The following XRCC4 variants were observed in gnomAD, a reference collection of about 807,000 sequenced individuals.
XRCC4 encodes the protein X-ray repair cross complementing 4.
XRCC4 carries 28 observed loss-of-function variants against 39.1 expected under a neutral mutation model. The observed-to-expected ratio is 0.72, with a 90% CI of 0.53 to 0.98. The LOEUF is 0.98. Among genes scored for constraint, XRCC4 ranks in the 50% least tolerant of loss-of-function variants. XRCC4 has a pLI of 0.00. For missense variants in XRCC4, 350 were observed against 376.4 expected, an observed-to-expected ratio of 0.93 and a Z score of 0.58; for synonymous variants, 123 against 126.4, an observed-to-expected ratio of 0.97 and a Z score of 0.18.
intron 1 of XRCC4, among the ~76,000 whole-genome samples, chr5:83,084,225 C>G (rs1366863824): frequency 6.6e-6 from 1 of 152,126 alleles, no homozygotes; most frequent in African/African-American, 2.4e-5. Flanking sequence ...AGATGGCTGT[C>G]TTTAAAATAA....
chr5:83,178,099 AG>A (rs1750042044), intron 3 of XRCC4, among the ~76,000 whole-genome samples: 1 of 152,126 alleles, frequency 6.6e-6, no homozygotes, highest in Non-Finnish European at 1.5e-5. Context: ...AAGAAGGAAA[AG>A]CAAAATCAAG....
At chr5:83,138,177 C>T (rs958004040) in intron 3 of XRCC4, among the ~76,000 whole-genome samples, 2 of 152,106 alleles carry the variant, frequency 1.3e-5, no homozygotes, top group Admixed American at 6.6e-5. Flanking sequence ...CAAACATATG[C>T]TTCTGATGTT....
chr5:83,263,534 A>G (rs58936311), intron 7 of XRCC4, among the ~76,000 whole-genome samples: 2,399 of 151,146 alleles, frequency 0.016, 61 homozygotes, highest in African/African-American at 0.054. Flanking sequence ...AATGATTGCC[A>G]TTCTAACTGG....
the XRCC4 span, among the ~76,000 whole-genome samples, chr5:83,369,311 G>A: frequency 9.6e-4 from 146 of 152,202 alleles, no homozygotes; most frequent in African/African-American, 3.4e-3. Context: ...GGAATTTTGC[G>A]AGATGCTGAG....
chr5:83,132,881 C>A (rs1386564277), intron 3 of XRCC4, among the ~76,000 whole-genome samples: 2 of 152,186 alleles, frequency 1.3e-5, no homozygotes, highest in Non-Finnish European at 2.9e-5. Context: ...AAGCCTTCTT[C>A]TCTCAACTTG....
At chr5:83,346,823 G>A (rs1756931046) in intron 7 of XRCC4, among the ~76,000 whole-genome samples, 1 of 152,106 alleles carries the variant, frequency 6.6e-6, no homozygotes, top group Non-Finnish European at 1.5e-5. Context: ...CCTTGTGGAA[G>A]GTTTAGAATT....
At chr5:83,321,947 A>G (rs1397453732) in intron 7 of XRCC4, among the ~76,000 whole-genome samples, 1 of 151,006 alleles carries the variant, frequency 6.6e-6, no homozygotes, top group Non-Finnish European at 1.5e-5. Flanking sequence ...CAGTTGATTT[A>G]TATGAATTAA....
intron 6 of XRCC4, among the ~76,000 whole-genome samples, chr5:83,227,019 G>T (rs1175528894): frequency 1.3e-5 from 2 of 151,910 alleles, no homozygotes; most frequent in African/African-American, 4.8e-5. Flanking sequence ...ACTTTTCCCT[G>T]TGTTAGAGTT....
intron 7 of XRCC4, among the ~76,000 whole-genome samples, chr5:83,291,967 G>GTA (rs1754936855): frequency 6.6e-6 from 1 of 151,290 alleles, no homozygotes; most frequent in African/African-American, 2.4e-5. Flanking sequence ...GTGTGTGTGT[G>GTA]TGTGTGTGTG....
chr5:83,239,703 C>T (rs1752829182), intron 6 of XRCC4, among the ~76,000 whole-genome samples: 1 of 151,944 alleles, frequency 6.6e-6, no homozygotes, highest in African/African-American at 2.4e-5. Context: ...GTGGCGGGCA[C>T]CTGTAGTCCC....
At chr5:83,173,792 C>T (rs1749832445) in intron 3 of XRCC4, among the ~76,000 whole-genome samples, 1 of 152,182 alleles carries the variant, frequency 6.6e-6, no homozygotes, top group South Asian at 2.1e-4. Flanking sequence ...TCCCTAAAAT[C>T]ACCACTTGAT....
intron 3 of XRCC4, among the ~76,000 whole-genome samples, chr5:83,123,936 G>C (rs1219745876): frequency 6.6e-6 from 1 of 151,784 alleles, no homozygotes; most frequent in Non-Finnish European, 1.5e-5. Flanking sequence ...TTTTCATTTT[G>C]AAATAACTTT....
chr5:83,096,370 G>A (rs1015521263), intron 1 of XRCC4, among the ~76,000 whole-genome samples: 3 of 152,154 alleles, frequency 2.0e-5, no homozygotes, highest in African/African-American at 7.2e-5. Flanking sequence ...TGCCAAGACT[G>A]ATGTTGGTGG....
chr5:83,316,696 C>G (rs1380624627), intron 7 of XRCC4, among the ~76,000 whole-genome samples: 3 of 121,232 alleles, frequency 2.5e-5, no homozygotes, highest in Non-Finnish European at 5.1e-5. Context: ...CACCCAGATT[C>G]ATAAAGCAAG....
chr5:83,358,128 T>C (rs999657350), downstream of XRCC4, among the ~76,000 whole-genome samples: 2 of 152,194 alleles, frequency 1.3e-5, no homozygotes, highest in Non-Finnish European at 2.9e-5. Flanking sequence ...TTCGGGAAGG[T>C]AGACTTCATT....
intron 3 of XRCC4, among the ~76,000 whole-genome samples, chr5:83,145,031 G>A (rs1748385452): frequency 1.3e-5 from 2 of 152,038 alleles, no homozygotes; most frequent in Non-Finnish European, 2.9e-5. Flanking sequence ...GAGTAGCTGG[G>A]ACTACAGGCA....
At chr5:83,373,411 G>A in the XRCC4 span, among the ~76,000 whole-genome samples, 2 of 152,074 alleles carry the variant, frequency 1.3e-5, no homozygotes, top group African/African-American at 4.8e-5. Flanking sequence ...TAAATTGATT[G>A]TGGAGGAAAA....
Position 83,077,566 on chromosome 5 carries a change from T to C in XRCC4, c.-60T>C. 1.8e-6 allele frequency: 1 copy of C among 545,688 alleles called. No individual in the cohort carries two copies. The highest frequency in any genetic ancestry group is 3.3e-6 in the Non-Finnish European group (1 of 302,902). The allele number at this position is 545,688 out of a possible 1,614,324, so 33.8% of individuals were successfully genotyped here. ...ACTCTCATTGGTTGCAAAACCTTGATCTGTGAAAGCGGGCGTTTTGGAAGA... is the reference window on the plus strand; with the variant it reads ...ACTCTCATTGGTTGCAAAACCTTGACCTGTGAAAGCGGGCGTTTTGGAAGA... On this transcript the variant is annotated 5_prime_UTR_variant, in exon 1 of 8. Transcript: ENST00000396027.
At chr5:83,297,525 C>T (rs1209609330) in intron 7 of XRCC4, among the ~76,000 whole-genome samples, 1 of 151,896 alleles carries the variant, frequency 6.6e-6, no homozygotes, top group Non-Finnish European at 1.5e-5. Flanking sequence ...TACACCAATA[C>T]ATATTTTAAA....
Sources: allele counts gnomAD v4.1 joint callset (sites outside exome capture counted in the v4.1 genomes callset), GRCh38; gene constraint gnomAD v4.1.1; transcripts MANE v1.5; gene names NCBI Gene and HGNC (gene_info 2026-07-23, HGNC 2026-07-21).